The following ITSN1 variants were observed in gnomAD, a reference collection of about 807,000 sequenced individuals.
ITSN1 encodes the protein intersectin 1.
Under a neutral mutation model 239.8 loss-of-function variants are expected in ITSN1, and 58 were observed. That is an observed-to-expected ratio of 0.24 (90% confidence interval 0.20 to 0.30). ITSN1 has a LOEUF of 0.30. Ranked by LOEUF, ITSN1 falls within the 10% of genes least tolerant of loss-of-function variation. The pLI, the probability that ITSN1 is intolerant of heterozygous loss-of-function variation, is 1.00. For missense variants in ITSN1, 1,558 were observed against 2,103.3 expected (o/e 0.74, Z 5.07); for synonymous variants, 780 against 770.8 (o/e 1.01, Z -0.20).
chr21:33,691,053 T>A (rs1472034827), intron 1 of ITSN1, among the ~76,000 whole-genome samples: 1 of 151,496 alleles, frequency 6.6e-6, no homozygotes, highest in Admixed American at 6.6e-5. Context: ...TCTTCCATGC[T>A]CAGTTAATCA....
At chr21:33,819,431 A>G (rs903412133) in intron 24 of ITSN1, 108 bp downstream of exon 24, 3 of 679,288 alleles carry the variant, frequency 4.4e-6, no homozygotes, top group South Asian at 2.5e-5. Flanking sequence ...TATGATCAGT[A>G]TATTAAACTA....
chr21:33,761,819 T>C, intron 8 of ITSN1, 104 bp from the exon 9 acceptor site: 1 of 766,896 alleles, frequency 1.3e-6, no homozygotes, highest in Non-Finnish European at 2.3e-6. Context: ...AGCATTGTGA[T>C]TGCATGAGGT....
intron 25 of ITSN1, 91 bp downstream of exon 25, chr21:33,823,744 T>G (rs2073821224): frequency 7.9e-7 from 1 of 1,259,982 alleles, no homozygotes; most frequent in Admixed American, 2.1e-5. Flanking sequence ...CTTTGTTGGG[T>G]TTTGCTAAGT....
rs538215600 is a variant in ITSN1 at position 33,876,368 on chromosome 21, C to A, written c.4341+847C>A. On this transcript the variant is annotated intron_variant, in intron 34 of 39. Coordinates refer to ENST00000381318, the MANE Select transcript of ITSN1 (RefSeq NM_003024.3). ...TTCTCCTTCTCTTCTCTTCTTTTTT[C>A]TTTTCTTTCTTTCAACAGGATCTTG... Among the ~76,000 whole-genome samples the A allele has an allele frequency of 3.2e-3, 446 of 139,188 alleles. 1 individual carries two copies. Among genetic ancestry groups the A allele is most frequent in the Non-Finnish European group, 5.8e-3 (373 of 64,354 alleles). The allele number at this position is 139,188 out of a possible 152,430, so 91.3% of individuals were successfully genotyped here. A position where few individuals can be genotyped will look rare whatever the true frequency, so the allele number is the denominator to read the frequency against.
intron 16 of ITSN1, among the ~76,000 whole-genome samples, chr21:33,789,247 G>A (rs182190416): frequency 8.5e-5 from 13 of 152,234 alleles, no homozygotes; most frequent in Middle Eastern, 3.4e-3. Flanking sequence ...TTTATTTACA[G>A]AAAAGCACTT....
intron 29 of ITSN1, among the ~76,000 whole-genome samples, chr21:33,842,191 G>A (rs60270744): frequency 0.05 from 7,606 of 152,048 alleles, 512 homozygotes; most frequent in African/African-American, 0.15. Flanking sequence ...CACCGCGCCC[G>A]GCCACTCTTG....
Position 33,882,196 on chromosome 21 carries a change from C to T in ITSN1, c.4342-47C>T, listed in dbSNP as rs376836756. On this transcript the variant is annotated intron_variant, in intron 34 of 39. Coordinates refer to ENST00000381318, the MANE Select transcript of ITSN1 (RefSeq NM_003024.3). The surrounding 1 kb of genome is among the most constrained non-coding windows in gnomAD (Gnocchi z 4.5). ...CTGATGGAGCCCATGCTTTCAGATG[C>T]GGAGAAACAAAAATGCTACACTTTG... The T allele has an allele frequency of 3.8e-5, 58 of 1,541,306 alleles. No homozygotes were observed. Among genetic ancestry groups the T allele is most frequent in the Admixed American group, 5.2e-5 (3 of 57,396 alleles).
intron 34 of ITSN1, 149 bp downstream of exon 34, chr21:33,875,670 C>G: frequency 1.4e-6 from 1 of 702,038 alleles, no homozygotes; most frequent in Non-Finnish European, 2.3e-6. Context: ...GCTGTTTCAT[C>G]CACCCACTGA....
At chr21:33,836,868 T>TC in intron 29 of ITSN1, 2 of 835,986 alleles carry the variant, frequency 2.4e-6, no homozygotes, top group Non-Finnish European at 3.8e-6. Flanking sequence ...CCCTCCTTTT[T>TC]CCTTTTTTTT....
chr21:33,837,570 T>C (rs2148414775), intron 29 of ITSN1: 1 of 985,956 alleles, frequency 1.0e-6, no homozygotes, highest in South Asian at 4.7e-5. Context: ...ATCTCTGTTT[T>C]AAAGACGTAT....
Position 33,899,736 on chromosome 21 carries a change from T to C in ITSN1, c.*11436T>C, listed in dbSNP as rs545183989. 6.6e-6 allele frequency: 1 copy of C among 152,180 alleles called. No individual in the cohort carries two copies. The highest frequency in any genetic ancestry group is 1.5e-5 in the Non-Finnish European group (1 of 68,036). 9.4% of individuals were successfully genotyped at this position (152,180 alleles called of 1,614,324 possible). A position where few individuals can be genotyped will look rare whatever the true frequency, so the allele number is the denominator to read the frequency against. On this transcript the variant is annotated 3_prime_UTR_variant, in exon 40 of 40. Transcript: ENST00000381318. ...ACATCAGTACAAATTGCTCTTCCTG[T>C]GTATCTTGAACCTAAAAAGAACAAT...
chr21:33,859,874 G>A (rs377224398), intron 31 of ITSN1, among the ~76,000 whole-genome samples: 5 of 152,132 alleles, frequency 3.3e-5, no homozygotes, highest in South Asian at 4.1e-4. Flanking sequence ...TCCGTTGCCC[G>A]CGCCCCCTGC....
intron 20 of ITSN1, 57 bp downstream of exon 20, chr21:33,802,501 A>G: frequency 6.4e-7 from 1 of 1,562,766 alleles, no homozygotes; most frequent in Non-Finnish European, 8.8e-7. Context: ...TTGTCCTTTT[A>G]AGTCACTTGA....
Position 33,852,715 on chromosome 21 carries a change from C to T in ITSN1, c.3662-4021C>T, listed in dbSNP as rs563123313. Among the ~76,000 whole-genome samples the T allele has an allele frequency of 3.5e-4, 53 of 152,198 alleles. 1 individual carries two copies. In the South Asian group the frequency reaches 0.011, roughly 31 times the overall value. The stretch of plus-strand genomic sequence containing the variant: ...ATTTGTAACCGCCTGGAGTCATTTG[C>T]AATATTATTTCAGCTGTGTGTGGAT... On this transcript the variant is annotated intron_variant, in intron 29 of 39. Transcript: ENST00000381318.
At chr21:33,647,421 C>T (rs1438650717) in intron 1 of ITSN1, among the ~76,000 whole-genome samples, 1 of 151,590 alleles carries the variant, frequency 6.6e-6, no homozygotes, top group Non-Finnish European at 1.5e-5. Flanking sequence ...AGTGTCTTTT[C>T]CTATATATAT....
At chr21:33,793,997 A>G (rs189092245) in intron 16 of ITSN1, among the ~76,000 whole-genome samples, 1 of 152,224 alleles carries the variant, frequency 6.6e-6, no homozygotes, top group Non-Finnish European at 1.5e-5. Flanking sequence ...AGTTTTATTC[A>G]TGATCATCGT....
intron 5 of ITSN1, among the ~76,000 whole-genome samples, chr21:33,749,281 T>A (rs550878273): frequency 6.6e-6 from 1 of 152,316 alleles, no homozygotes; most frequent in Non-Finnish European, 1.5e-5. Flanking sequence ...TAAGCCACTG[T>A]GCCCAGCTGG....
intron 4 of ITSN1, among the ~76,000 whole-genome samples, chr21:33,726,175 G>A (rs2065821906): frequency 6.6e-6 from 1 of 152,228 alleles, no homozygotes; most frequent in South Asian, 2.1e-4. Context: ...TGTATTTTTA[G>A]TAGAGACAGG....
intron 1 of ITSN1, among the ~76,000 whole-genome samples, chr21:33,675,232 T>G (rs1169808950): frequency 6.6e-6 from 1 of 152,062 alleles, no homozygotes; most frequent in Non-Finnish European, 1.5e-5. Flanking sequence ...CATTTCTCAT[T>G]TCTCTACTAG....
Sources: allele counts gnomAD v4.1 joint callset (sites outside exome capture counted in the v4.1 genomes callset), GRCh38; gene constraint gnomAD v4.1.1; non-coding constraint Gnocchi (gnomAD v3.1); transcripts MANE v1.5; gene names NCBI Gene and HGNC (gene_info 2026-07-23, HGNC 2026-07-21).